Variants in USP24 observed in about 807,000 individuals in gnomAD.
The protein encoded by USP24 is ubiquitin specific peptidase 24.
In USP24, 97 loss-of-function variants were observed where a neutral mutation model predicts 361.6. That is an observed-to-expected ratio of 0.27 (90% CI 0.23 to 0.32). USP24 has a LOEUF of 0.32. Ranked by LOEUF, USP24 falls within the 10% of genes least tolerant of loss-of-function variation. USP24 has a pLI of 1.00. For missense variants in USP24, 2,353 were observed against 3,165.6 expected (o/e 0.74, Z 6.16); for synonymous variants, 1,098 against 1,124.6 (o/e 0.98, Z 0.47).
At chr1:55,163,038 A>G (rs1648457605) in intron 7 of USP24, among the ~76,000 whole-genome samples, 1 of 152,112 alleles carries the variant, frequency 6.6e-6, no homozygotes, top group Admixed American at 6.6e-5. Context: ...ATAATAAGGA[A>G]AAGAGAGATT....
chr1:55,208,130 T>G (rs1644757539), intron 1 of USP24, among the ~76,000 whole-genome samples: 1 of 152,186 alleles, frequency 6.6e-6, no homozygotes, highest in Admixed American at 6.5e-5. Context: ...TATATTCCAT[T>G]AACCAGCTTA....
At chr1:55,072,538 A>C (rs1187536956) in intron 65 of USP24, 135 bp from the exon 66 acceptor site, 1 of 779,852 alleles carries the variant, frequency 1.3e-6, no homozygotes, top group African/African-American at 1.8e-5. Flanking sequence ...CCATCACATA[A>C]AGCGATTCAA....
intron 61 of USP24, among the ~76,000 whole-genome samples, chr1:55,077,579 C>T (rs943632612): frequency 1.2e-4 from 19 of 152,094 alleles, no homozygotes; most frequent in South Asian, 4.1e-4. Context: ...TAAACAGATC[C>T]GATTTTATAT....
intron 24 of USP24, 56 bp downstream of exon 24, chr1:55,141,556 CCAAT>C: frequency 7.1e-7 from 1 of 1,410,162 alleles, no homozygotes; most frequent in Non-Finnish European, 9.8e-7. Flanking sequence ...ATAAAAAACA[CCAAT>C]CATTTTAAAA....
chr1:55,084,811 C>T (rs531052244), intron 56 of USP24, among the ~76,000 whole-genome samples: 1 of 152,152 alleles, frequency 6.6e-6, no homozygotes, highest in South Asian at 2.1e-4. Context: ...AGTGTATGGC[C>T]GCCATTCCCT....
intron 28 of USP24, 24 bp from the exon 29 acceptor site, chr1:55,134,437 A>C: frequency 6.3e-7 from 1 of 1,580,794 alleles, no homozygotes; most frequent in Non-Finnish European, 8.7e-7. Flanking sequence ...GCAAAATAGA[A>C]ATTCAAATTT....
At position 55,137,719 on chromosome 1, in the gene USP24, G is replaced by A. The variant is rs757035690; in HGVS notation, c.3028-31C>T. 26 of 1,595,206 alleles carry A rather than the reference G, an allele frequency of 1.6e-5. No homozygotes were observed. In the East Asian group the frequency reaches 5.9e-4, roughly 36 times the overall value. ...AAAAGTGGTTTCTTAATTATTGAGA[G>A]GAAAAGGAAGAGGAAATTATTCATA... On this transcript the variant is annotated intron_variant, in intron 27 of 67. Transcript: ENST00000294383.
At chr1:55,085,382 T>C (rs1292407477) in intron 56 of USP24, among the ~76,000 whole-genome samples, 1 of 152,256 alleles carries the variant, frequency 6.6e-6, no homozygotes, top group African/African-American at 2.4e-5. Flanking sequence ...CTCCAGCTAA[T>C]GTTTATAAGA....
Position 55,214,859 on chromosome 1 carries a change from G to C in USP24, c.255C>G (p.Arg85=), listed in dbSNP as rs529158905. The change falls in exon 1 of 68, where the codon CGC becomes CGG. Residue 85 remains arginine (R), a synonymous_variant. Transcript: ENST00000294383. ...GGDGGGGGPS[R]GGSTGGGGGF... The stretch of plus-strand genomic sequence containing the variant: ...CGCCCCCGCCTCCGGTGCTCCCGCC[G>C]CGGGAGGGGCCGCCGCCGCCGCCGT... 4.5e-5 allele frequency: 55 copies of C among 1,222,904 alleles called. 1 individual carries two copies. In the South Asian group the frequency reaches 2.0e-3, roughly 44 times the overall value. 75.8% of individuals were successfully genotyped at this position (1,222,904 alleles called of 1,614,324 possible). A position where few individuals can be genotyped will look rare whatever the true frequency, so the allele number is the denominator to read the frequency against.
intron 8 of USP24, among the ~76,000 whole-genome samples, chr1:55,161,946 A>T (rs1449372113): frequency 6.6e-6 from 1 of 152,168 alleles, no homozygotes; most frequent in African/African-American, 2.4e-5. Context: ...AGAAAATGAA[A>T]AATAAATAAA....
rs527340330 is a variant in USP24, at chr1:55,195,825, A to T, written c.325-17693T>A. Among the ~76,000 whole-genome samples the T allele has an allele frequency of 3.7e-4, 57 of 152,328 alleles. 1 individual carries two copies. In the South Asian group the frequency reaches 0.011, roughly 29 times the overall value. The stretch of plus-strand genomic sequence containing the variant: ...AAGGAAAGGTTGTTGTTTAACAGGT[A>T]CAGAGTTTCAGATTTGCAAGATGAA... On this transcript the variant is annotated intron_variant, in intron 1 of 67. Coordinates refer to ENST00000294383, the MANE Select transcript of USP24 (RefSeq NM_015306.3).
At chr1:55,083,136 C>A (rs372238702) in intron 58 of USP24, 136 bp downstream of exon 58, 1 of 740,434 alleles carries the variant, frequency 1.4e-6, no homozygotes, top group Non-Finnish European at 2.1e-6. Flanking sequence ...TAATTTAACT[C>A]CAAAGAATTT....
intron 63 of USP24, 55 bp downstream of exon 63, chr1:55,075,402 T>G: frequency 6.7e-7 from 1 of 1,498,634 alleles, no homozygotes; most frequent in South Asian, 1.2e-5. Flanking sequence ...GCCAGAACAA[T>G]AGATTATCCA....
intron 62 of USP24, 44 bp from the exon 63 acceptor site, chr1:55,075,567 T>C (rs1373776534): frequency 2.7e-6 from 4 of 1,467,320 alleles, no homozygotes; most frequent in East Asian, 2.4e-5. Context: ...AAGAAGGAAC[T>C]TGTCATAGCC....
chr1:55,082,823 C>T (rs1007417905), intron 58 of USP24, among the ~76,000 whole-genome samples: 26 of 152,062 alleles, frequency 1.7e-4, no homozygotes, highest in African/African-American at 5.8e-4. Context: ...ACAAAAAAAC[C>T]CAAACAACTT....
At position 55,196,060 on chromosome 1, in the gene USP24, C is replaced by T. The variant is rs141509915; in HGVS notation, c.325-17928G>A. Among the ~76,000 whole-genome samples the T allele has an allele frequency of 3.1e-3, 475 of 152,274 alleles. 4 individuals carry two copies. The highest frequency in any genetic ancestry group is 0.022 in the South Asian group (104 of 4,814). On this transcript the variant is annotated intron_variant, in intron 1 of 67. Transcript: ENST00000294383. The stretch of plus-strand genomic sequence containing the variant: ...CCTAAGTAAATGTCTACCTTCTTCA[C>T]CACAGCCTCATATACACATTTAATT...
At chr1:55,148,130 C>T (rs1348043337) in intron 17 of USP24, among the ~76,000 whole-genome samples, 1 of 151,940 alleles carries the variant, frequency 6.6e-6, no homozygotes, top group Non-Finnish European at 1.5e-5. Flanking sequence ...GTACTTTAAG[C>T]AAACTAATCT....
At chr1:55,079,793 T>TGAGTACTCTCACAGAGTACTCACACC in intron 59 of USP24, 134 bp from the exon 60 acceptor site, 6 of 1,051,220 alleles carry the variant, frequency 5.7e-6, no homozygotes, top group Non-Finnish European at 7.7e-6. Flanking sequence ...ACTCACACAC[T>TGAGTACTCTCACAGAGTACTCACACC]GAGTACTCAC....
chr1:55,182,267 GT>G (rs1458544022), intron 1 of USP24, among the ~76,000 whole-genome samples: 7 of 152,150 alleles, frequency 4.6e-5, no homozygotes, highest in Admixed American at 3.9e-4. Flanking sequence ...GGCCAGGATG[GT>G]CTCGATCTCT....
Sources: allele counts gnomAD v4.1 joint callset (sites outside exome capture counted in the v4.1 genomes callset), GRCh38; gene constraint gnomAD v4.1.1; transcripts MANE v1.5; gene names NCBI Gene and HGNC (gene_info 2026-07-23, HGNC 2026-07-21).